SYNRG: variants seen among roughly 807,000 people sequenced by gnomAD.
SYNRG encodes the protein AP1 gamma subunit binding protein 1.
SYNRG carries 37 observed loss-of-function variants against 130.9 expected under a neutral mutation model. That is an observed-to-expected ratio of 0.28 (90% CI 0.22 to 0.37). The LOEUF (loss-of-function observed/expected upper bound fraction) is 0.37. Among genes scored for constraint, SYNRG ranks in the 10% least tolerant of loss-of-function variants. SYNRG has a pLI of 1.00. For synonymous variants in SYNRG, 539 were observed against 568.1 expected (o/e 0.95, Z 0.73); for missense variants, 1,338 against 1,588.9 (o/e 0.84, Z 2.68).
At chr17:37,585,289 G>T in intron 5 of SYNRG, 36 bp downstream of exon 5, 1 of 1,533,186 alleles carries the variant, frequency 6.5e-7, no homozygotes, top group Non-Finnish European at 9.0e-7. Context: ...TTCAGGGTGT[G>T]TATGTTCTGG....
intron 3 of SYNRG, among the ~76,000 whole-genome samples, chr17:37,594,980 T>C (rs1189586785): frequency 1.3e-5 from 2 of 152,130 alleles, no homozygotes; most frequent in African/African-American, 4.8e-5. Context: ...GGTCTTAGGA[T>C]AAAGAAAACA....
chr17:37,522,191 C>A (rs1257118534), intron 19 of SYNRG, among the ~76,000 whole-genome samples: 1 of 134,334 alleles, frequency 7.4e-6, no homozygotes, highest in African/African-American at 2.9e-5. Context: ...TCTTGGAAAG[C>A]CGTCCAGTCA....
intron 3 of SYNRG, 55 bp downstream of exon 3, chr17:37,596,168 A>T: frequency 6.3e-7 from 1 of 1,589,470 alleles, no homozygotes; most frequent in Non-Finnish European, 8.6e-7. Flanking sequence ...CTCTTGATAT[A>T]TAAACGTAAC....
At chr17:37,551,033 A>G (rs1230945204) in intron 14 of SYNRG, among the ~76,000 whole-genome samples, 1 of 152,224 alleles carries the variant, frequency 6.6e-6, no homozygotes. Flanking sequence ...TTATAGCAAG[A>G]GTTAAAAGAG....
At chr17:37,530,370 A>T (rs2056493846) in intron 19 of SYNRG, among the ~76,000 whole-genome samples, 1 of 152,192 alleles carries the variant, frequency 6.6e-6, no homozygotes, top group East Asian at 1.9e-4. Flanking sequence ...CAGGTGGGTG[A>T]ATTAGGAAAG....
At chr17:37,555,003 T>C (rs1451011977) in intron 13 of SYNRG, among the ~76,000 whole-genome samples, 1 of 152,154 alleles carries the variant, frequency 6.6e-6, no homozygotes. Flanking sequence ...TCTCAAGAGA[T>C]CCTGAGAAAC....
rs1347917645 is a variant in SYNRG at position 37,570,743 on chromosome 17, G to A, written c.1241C>T (p.Pro414Leu). 1.4e-5 allele frequency: 23 copies of A among 1,614,074 alleles called. No homozygotes were observed. Among genetic ancestry groups the A allele is most frequent in the Non-Finnish European group, 1.9e-5 (22 of 1,180,054 alleles). ...CATGACTGGCTGTCCAAGGCTGAGGGGCATGGAGCCCGCAGGACCTGAAGG... is the reference window on the plus strand; with the variant it reads ...CATGACTGGCTGTCCAAGGCTGAGGAGCATGGAGCCCGCAGGACCTGAAGG... ...VIPSGPAGSMPLSLGQPVMGI... is the reference protein window; with the variant it reads ...VIPSGPAGSMLLSLGQPVMGI... The change falls in exon 10 of 22, where the codon CCC (proline) becomes CTC (leucine). Residue 414 changes from proline (P) to leucine (L), a missense_variant. Physicochemically the swap from Pro to Leu is moderately conservative, Grantham distance 98 (BLOSUM62 -3). Coordinates refer to ENST00000612223, the MANE Select transcript of SYNRG (RefSeq NM_007247.6).
At chr17:37,541,234 T>G in intron 15 of SYNRG, 1 of 985,370 alleles carries the variant, frequency 1.0e-6, no homozygotes, top group Non-Finnish European at 1.2e-6. Context: ...AGTCTCTCAA[T>G]CCAGTTGAAA....
chr17:37,541,823 A>C, intron 15 of SYNRG, 149 bp downstream of exon 15: 1 of 767,830 alleles, frequency 1.3e-6, no homozygotes, highest in Non-Finnish European at 2.1e-6. Flanking sequence ...GGAAATCTTT[A>C]TTATAGCTAT....
At chr17:37,565,920 T>C (rs2059932551) in intron 11 of SYNRG, among the ~76,000 whole-genome samples, 2 of 133,860 alleles carry the variant, frequency 1.5e-5, no homozygotes, top group African/African-American at 6.3e-5. Flanking sequence ...GGTGGGGGGG[T>C]CAGCCCCCTG....
intron 14 of SYNRG, among the ~76,000 whole-genome samples, chr17:37,545,381 T>G (rs2058190581): frequency 6.6e-6 from 1 of 152,198 alleles, no homozygotes; most frequent in Middle Eastern, 3.4e-3. Context: ...GGCGACAGTT[T>G]GAGACTCTGT....
At chr17:37,566,454 A>G (rs2060006188) in intron 11 of SYNRG, among the ~76,000 whole-genome samples, 2 of 146,830 alleles carry the variant, frequency 1.4e-5, no homozygotes, top group Non-Finnish European at 3.0e-5. Context: ...GTTAAGAGTC[A>G]TCACCACTCC....
rs1310071657 is a variant in SYNRG at position 37,568,835 on chromosome 17, C to T, written c.1437G>A (p.Glu479=). The change falls in exon 11 of 22, where the codon GAG becomes GAA. Residue 479 remains glutamate (E), a synonymous_variant. Coordinates refer to ENST00000612223, the MANE Select transcript of SYNRG (RefSeq NM_007247.6). ...TACTTGTTTTTGAAGAAGCAGGCAA[C>T]TCTTGGAAATCACTGAATGAGTCAT... The part of the protein sequence containing the change: ...SLDDSFSDFQ[E]LPASSKTSNS... The T allele has an allele frequency of 1.2e-6, 2 of 1,614,086 alleles. No homozygotes were observed. Among genetic ancestry groups the T allele is most frequent in the Non-Finnish European group, 8.5e-7 (1 of 1,179,990 alleles).
intron 6 of SYNRG, among the ~76,000 whole-genome samples, chr17:37,578,956 T>C (rs1007281893): frequency 2.0e-5 from 3 of 152,242 alleles, no homozygotes; most frequent in African/African-American, 4.8e-5. Flanking sequence ...CTTTCTGGAA[T>C]GTCAAGACCC....
intron 17 of SYNRG, 92 bp from the exon 18 acceptor site, chr17:37,538,512 G>C (rs138139324): frequency 2.5e-6 from 2 of 812,374 alleles, no homozygotes; most frequent in East Asian, 5.4e-5. Flanking sequence ...CGAAAAGCCA[G>C]GAGGTGTCAA....
intron 16 of SYNRG, 131 bp downstream of exon 16, chr17:37,540,249 T>G: frequency 9.0e-7 from 1 of 1,108,542 alleles, no homozygotes; most frequent in Non-Finnish European, 1.3e-6. Flanking sequence ...TTTAATTACA[T>G]AGTTTATGTC....
rs893314157 is a variant in SYNRG at position 37,516,345 on chromosome 17, T to A, written c.*2595A>T. 2.6e-5 allele frequency: 4 copies of A among 152,188 alleles called. No individual in the cohort carries two copies. The highest frequency in any genetic ancestry group is 9.7e-5 in the African/African-American group (4 of 41,442). 9.4% of individuals were successfully genotyped at this position (152,188 alleles called of 1,614,324 possible). On this transcript the variant is annotated 3_prime_UTR_variant, in exon 22 of 22. Coordinates refer to ENST00000612223, the MANE Select transcript of SYNRG (RefSeq NM_007247.6). Reference sequence around the variant, plus strand: ...TTGGATCCCTATTGGTGGCATCTAATTAAACATTTCAAGTATTCAAGAGAT... The same window carrying A: ...TTGGATCCCTATTGGTGGCATCTAAATAAACATTTCAAGTATTCAAGAGAT...
Position 37,586,435 on chromosome 17 carries a change from A to G in SYNRG, c.355T>C (p.Phe119Leu). 6.2e-7 allele frequency: 1 copy of G among 1,614,166 alleles called. No individual in the cohort carries two copies. Among genetic ancestry groups the G allele is most frequent in the Non-Finnish European group, 8.5e-7 (1 of 1,180,006 alleles). ...PQYTPDMQKQ[F>L]AEEQQKRFEQ... The stretch of plus-strand genomic sequence containing the variant: ...ATCTCTTACTGCTGCTCTTCGGCAA[A>G]CTGCTTCTGCATGTCTGGAGTGTAC... The change falls in exon 4 of 22, where the codon TTT (phenylalanine) becomes CTT (leucine). Residue 119 changes from phenylalanine (F) to leucine (L), a missense_variant. By Grantham distance (22) the Phe-to-Leu change is conservative. This residue lies in a region of SYNRG where 184 missense variants were observed against 217.2 expected (regional missense o/e 0.85). Coordinates refer to ENST00000612223, the MANE Select transcript of SYNRG (RefSeq NM_007247.6).
chr17:37,595,640 A>C (rs1010925750), intron 3 of SYNRG, among the ~76,000 whole-genome samples: 1 of 152,230 alleles, frequency 6.6e-6, no homozygotes, highest in African/African-American at 2.4e-5. Context: ...CTGAATCTAA[A>C]ATATAAGTTG....
Sources: gnomAD v4.1 joint callset for allele counts (sites outside exome capture counted in the v4.1 genomes callset) on GRCh38, gnomAD v4.1.1 for gene constraint, gnomAD v4.1.1 regional missense constraint, MANE v1.5 for transcripts, NCBI Gene and HGNC (gene_info 2026-07-23, HGNC 2026-07-21) for gene names.